The following CENPK variants were observed in gnomAD, a reference collection of about 807,000 sequenced individuals.
CENPK encodes the protein SoxLZ/Sox6-binding protein Solt.
Under a neutral mutation model 40.9 loss-of-function variants are expected in CENPK, and 46 were observed. That is an observed-to-expected ratio of 1.13 (90% CI 0.89 to 1.44). CENPK has a LOEUF of 1.44. Ranked by LOEUF, CENPK falls within the 40% of genes most tolerant of loss-of-function variation. The probability of loss-of-function intolerance (pLI) is 0.00; values close to 1 mark genes in which losing one functional copy is unlikely to be tolerated. For missense variants in CENPK, 288 were observed against 303.5 expected (o/e 0.95, Z 0.38); for synonymous variants, 107 against 104.4 (o/e 1.02, Z -0.15).
At chr5:65,543,870 C>A (rs368923770) in intron 5 of CENPK, among the ~76,000 whole-genome samples, 21 of 152,230 alleles carry the variant, frequency 1.4e-4, no homozygotes, top group Middle Eastern at 3.4e-3. Flanking sequence ...TTTCCATGAG[C>A]TATGAAGAAA....
chr5:65,547,995 G>T (rs1180641042), intron 5 of CENPK, among the ~76,000 whole-genome samples: 1 of 152,190 alleles, frequency 6.6e-6, no homozygotes, highest in Non-Finnish European at 1.5e-5. Flanking sequence ...AAAGAGAAAT[G>T]ATAAGCCTAC....
At chr5:65,528,660 CAA>C in intron 8 of CENPK, 82 bp from the exon 9 acceptor site, 4 of 1,377,400 alleles carry the variant, frequency 2.9e-6, no homozygotes, top group Non-Finnish European at 3.8e-6. Flanking sequence ...TGAAGTTGAT[CAA>C]AAACTTTGTT....
chr5:65,547,620 A>G lies in CENPK; in HGVS notation c.241+3944T>C, dbSNP rs566558752. On this transcript the variant is annotated intron_variant, in intron 5 of 10. Coordinates refer to ENST00000396679, the MANE Select transcript of CENPK (RefSeq NM_022145.5). Reference sequence around the variant, plus strand: ...AAAGCAAGAATATGGATAAAATTGTATAGGAAGAGAATGAGGAGAAAACAG... The same window carrying G: ...AAAGCAAGAATATGGATAAAATTGTGTAGGAAGAGAATGAGGAGAAAACAG... 7.2e-5 allele frequency among the ~76,000 whole-genome samples: 11 copies of G among 152,286 alleles called. No individual in the cohort carries two copies. The South Asian group carries it at 2.3e-3, about 32-fold the overall frequency.
At chr5:65,523,043 G>A (rs1744064281) in intron 9 of CENPK, among the ~76,000 whole-genome samples, 1 of 152,128 alleles carries the variant, frequency 6.6e-6, no homozygotes, top group South Asian at 2.1e-4. Flanking sequence ...ATTCTGTAAT[G>A]TAATGTATTC....
chr5:65,521,588 T>C (rs893662112), intron 9 of CENPK, 60 bp from the exon 10 acceptor site: 25 of 1,122,852 alleles, frequency 2.2e-5, no homozygotes, highest in Middle Eastern at 2.0e-4. Flanking sequence ...TGGTGAAATA[T>C]TGGACTGTTT....
chr5:65,499,981 C>G, the CENPK span, among the ~76,000 whole-genome samples: 1 of 85,810 alleles, frequency 1.2e-5, no homozygotes, highest in Non-Finnish European at 2.6e-5. Flanking sequence ...ATCCATGTCC[C>G]TACAAAGGAC....
the CENPK span, among the ~76,000 whole-genome samples, chr5:65,507,782 AGTTAAAGGAACTTATGTAG>A: frequency 6.6e-6 from 1 of 152,192 alleles, no homozygotes; most frequent in Non-Finnish European, 1.5e-5. Context: ...GTTCTTTTTC[AGTTAAAGGAACTTATGTAG>A]GATCCCACCT....
At chr5:65,499,673 T>A in the CENPK span, among the ~76,000 whole-genome samples, 1,476 of 147,628 alleles carry the variant, frequency 1.0e-2, 16 homozygotes, top group Admixed American at 0.015. Flanking sequence ...TTTAATTTTT[T>A]TTTTTTTATT....
chr5:65,554,478 C>A (rs932639268), intron 3 of CENPK, among the ~76,000 whole-genome samples: 4 of 152,234 alleles, frequency 2.6e-5, no homozygotes, highest in Non-Finnish European at 5.9e-5. Flanking sequence ...ACCCCTTCAC[C>A]GGGTTTAGCA....
At chr5:65,527,032 G>A (rs998844461) in intron 9 of CENPK, among the ~76,000 whole-genome samples, 78 of 152,226 alleles carry the variant, frequency 5.1e-4, no homozygotes, top group African/African-American at 1.9e-3. Flanking sequence ...GGGAGGCAGA[G>A]GTTGCAGTGA....
intron 5 of CENPK, chr5:65,550,882 C>G (rs1221446478): frequency 7.3e-6 from 1 of 137,520 alleles, no homozygotes; most frequent in African/African-American, 2.8e-5. Flanking sequence ...AGAAGACATA[C>G]AAACTATGTG....
chr5:65,512,782 T>TA (rs1281300458), downstream of CENPK, among the ~76,000 whole-genome samples: 7 of 152,332 alleles, frequency 4.6e-5, no homozygotes, highest in East Asian at 3.9e-4. Context: ...TTTAGCTTTG[T>TA]AAAAAACCGT....
chr5:65,526,778 G>A (rs1744778847), intron 9 of CENPK, among the ~76,000 whole-genome samples: 1 of 152,090 alleles, frequency 6.6e-6, no homozygotes, highest in Non-Finnish European at 1.5e-5. Context: ...GGGCAACATA[G>A]CAAGACCTCG....
At chr5:65,528,849 CTA>C (rs77825310) in intron 8 of CENPK, 68 bp downstream of exon 8, 76,271 of 1,032,360 alleles carry the variant, frequency 0.074, 3,161 homozygotes, top group East Asian at 0.092. Flanking sequence ...TTAACTTCAT[CTA>C]TGTTTCATGT....
chr5:65,553,357 C>CA (rs112109997), intron 3 of CENPK, among the ~76,000 whole-genome samples: 32,281 of 133,954 alleles, frequency 0.24, 3,875 homozygotes, highest in South Asian at 0.34. Context: ...GCTGATCAGC[C>CA]AAAAAAAAAA....
At chr5:65,515,146 T>C (rs547924282), downstream of CENPK, among the ~76,000 whole-genome samples, 8 of 152,012 alleles carry the variant, frequency 5.3e-5, no homozygotes, top group South Asian at 1.7e-3. Flanking sequence ...TTTTCCAATA[T>C]ATGCACTCAA....
At chr5:65,548,418 G>T (rs1364989812) in intron 5 of CENPK, among the ~76,000 whole-genome samples, 1 of 152,140 alleles carries the variant, frequency 6.6e-6, no homozygotes, top group Non-Finnish European at 1.5e-5. Context: ...GTTAATGGCT[G>T]ATGACTGATC....
At chr5:65,553,473 C>T (rs1020670374) in intron 3 of CENPK, among the ~76,000 whole-genome samples, 2 of 152,154 alleles carry the variant, frequency 1.3e-5, no homozygotes, top group South Asian at 2.1e-4. Context: ...AACAAATTTT[C>T]ACCAACATAC....
the CENPK span, among the ~76,000 whole-genome samples, chr5:65,512,187 GTTTC>G: frequency 6.6e-6 from 1 of 152,156 alleles, no homozygotes; most frequent in Admixed American, 6.5e-5. Flanking sequence ...GCAAAAAATG[GTTTC>G]TTGAGATGGA....
Sources: allele counts gnomAD v4.1 joint callset (sites outside exome capture counted in the v4.1 genomes callset), GRCh38; gene constraint gnomAD v4.1.1; transcripts MANE v1.5; gene names NCBI Gene and HGNC (gene_info 2026-07-23, HGNC 2026-07-21).